Variants in FAM163A observed in about 807,000 individuals in gnomAD.
FAM163A encodes protein FAM163A.
In FAM163A, 7 loss-of-function variants were observed where a neutral mutation model predicts 12.0. That is an observed-to-expected ratio of 0.58 (90% CI 0.33 to 1.10). The LOEUF (loss-of-function observed/expected upper bound fraction) is 1.10, where lower values mean the gene tolerates loss of function less well. Among genes scored for constraint, FAM163A ranks in the 50% least tolerant of loss-of-function variants. The pLI, the probability that FAM163A is intolerant of heterozygous loss-of-function variation, is 0.03. For synonymous variants in FAM163A, 101 were observed against 91.0 expected (o/e 1.11, Z -0.62); for missense variants, 202 against 218.6 (o/e 0.92, Z 0.48).
At position 179,815,114 on chromosome 1, in the gene FAM163A, GAC is replaced by G. The variant is rs5779040; in HGVS notation, c.*961_*962del. The stretch of plus-strand genomic sequence containing the variant: ...GTACGCACGCGCGCGCGCGCGCACA[GAC>G]ACACACACACACACACACACACACA... On this transcript the variant is annotated 3_prime_UTR_variant, in exon 5 of 5. Coordinates refer to ENST00000341785, the MANE Select transcript of FAM163A (RefSeq NM_173509.3). 0.066 allele frequency: 8,510 copies of G among 129,812 alleles called. 318 individuals are homozygous for G. The highest frequency in any genetic ancestry group is 0.13 in the East Asian group (634 of 4,776). The allele number at this position is 129,812 out of a possible 1,614,324, so 8.0% of individuals were successfully genotyped here. A position where few individuals can be genotyped will look rare whatever the true frequency, so the allele number is the denominator to read the frequency against.
At chr1:179,789,074 A>G (rs930290726) in intron 1 of FAM163A, among the ~76,000 whole-genome samples, 1 of 152,254 alleles carries the variant, frequency 6.6e-6, no homozygotes, top group Non-Finnish European at 1.5e-5. Flanking sequence ...TATGAGCCCA[A>G]AGATCACTCT....
the FAM163A span, among the ~76,000 whole-genome samples, chr1:179,737,711 T>C: frequency 1.1e-4 from 17 of 151,978 alleles, no homozygotes; most frequent in African/African-American, 4.1e-4. Context: ...GGCAGGCGCC[T>C]GTAGTCCCAG....
chr1:179,812,408 T>G (rs146243730), intron 3 of FAM163A, among the ~76,000 whole-genome samples: 3 of 152,218 alleles, frequency 2.0e-5, no homozygotes, highest in Admixed American at 1.3e-4. Context: ...CTTGCCTTTG[T>G]TTTCCAGGAG....
At chr1:179,739,322 T>A (rs755104506), upstream of FAM163A, among the ~76,000 whole-genome samples, 6 of 152,238 alleles carry the variant, frequency 3.9e-5, 1 homozygote, top group Middle Eastern at 6.8e-3. Context: ...TTAGACCTTA[T>A]CAAAATTTAA....
intron 1 of FAM163A, among the ~76,000 whole-genome samples, chr1:179,805,239 C>T (rs916317256): frequency 7.9e-5 from 12 of 152,216 alleles, no homozygotes; most frequent in South Asian, 6.2e-4. Flanking sequence ...CATCATAGGC[C>T]GGGCATGCTG....
At chr1:179,799,524 C>A (rs1477219560) in intron 1 of FAM163A, among the ~76,000 whole-genome samples, 1 of 152,232 alleles carries the variant, frequency 6.6e-6, no homozygotes, top group Non-Finnish European at 1.5e-5. Context: ...CAGGCTGTCC[C>A]GGAAATAGTC....
chr1:179,783,747 TTA>T (rs200478493), intron 1 of FAM163A, among the ~76,000 whole-genome samples: 3 of 85,364 alleles, frequency 3.5e-5, no homozygotes, highest in South Asian at 6.9e-4. Context: ...AGCCCAAATA[TTA>T]TATATATATT....
intron 1 of FAM163A, among the ~76,000 whole-genome samples, chr1:179,746,848 C>T (rs944645603): frequency 5.3e-5 from 8 of 152,118 alleles, no homozygotes; most frequent in Admixed American, 5.2e-4. Context: ...AGTATCTGGG[C>T]CATCCAGTAT....
intron 1 of FAM163A, among the ~76,000 whole-genome samples, chr1:179,775,196 G>A (rs1688785174): frequency 7.9e-5 from 12 of 152,200 alleles, no homozygotes. Flanking sequence ...CAAACGGTCT[G>A]ATTGGTTGCC....
intron 1 of FAM163A, among the ~76,000 whole-genome samples, chr1:179,767,712 T>C (rs1193824516): frequency 6.6e-6 from 1 of 152,020 alleles, no homozygotes; most frequent in African/African-American, 2.4e-5. Context: ...CCCATCCCTC[T>C]CCCCACAGAA....
chr1:179,792,531 G>A (rs1329566957), intron 1 of FAM163A, among the ~76,000 whole-genome samples: 2 of 152,092 alleles, frequency 1.3e-5, no homozygotes, highest in Admixed American at 6.5e-5. Flanking sequence ...GATTATTAAT[G>A]TTACCTGTTT....
chr1:179,744,518 G>A (rs1472352081), intron 1 of FAM163A, among the ~76,000 whole-genome samples: 1 of 152,170 alleles, frequency 6.6e-6, no homozygotes, highest in Non-Finnish European at 1.5e-5. Flanking sequence ...GGGAAGTCAG[G>A]GGTGCAGATC....
intron 1 of FAM163A, among the ~76,000 whole-genome samples, chr1:179,805,407 A>G (rs1693792962): frequency 6.6e-6 from 1 of 152,100 alleles, no homozygotes; most frequent in Non-Finnish European, 1.5e-5. Context: ...AATCTGAGCT[A>G]CTTGAGAGGC....
At chr1:179,748,376 G>A (rs1684807139) in intron 1 of FAM163A, among the ~76,000 whole-genome samples, 2 of 152,136 alleles carry the variant, frequency 1.3e-5, no homozygotes, top group Admixed American at 1.3e-4. Context: ...AGCAAGGAGA[G>A]GTAAAGTCAG....
intron 1 of FAM163A, among the ~76,000 whole-genome samples, chr1:179,786,805 G>A (rs962874264): frequency 6.6e-5 from 10 of 152,268 alleles, no homozygotes; most frequent in African/African-American, 9.6e-5. Context: ...AGCCCCTGGC[G>A]TGTCTCAGCC....
intron 1 of FAM163A, among the ~76,000 whole-genome samples, chr1:179,798,038 T>C (rs1211637285): frequency 2.0e-5 from 3 of 152,134 alleles, no homozygotes; most frequent in African/African-American, 4.8e-5. Context: ...GAAACCAGCC[T>C]GGCTAACATG....
chr1:179,775,128 C>G (rs763656687), intron 1 of FAM163A, among the ~76,000 whole-genome samples: 5 of 152,170 alleles, frequency 3.3e-5, no homozygotes, highest in Admixed American at 3.3e-4. Context: ...CCAAATACCC[C>G]CAGAGGCTCC....
chr1:179,798,302 C>T (rs576677497), intron 1 of FAM163A, among the ~76,000 whole-genome samples: 77 of 152,312 alleles, frequency 5.1e-4, no homozygotes, highest in Non-Finnish European at 1.0e-3. Context: ...AGTTCCCATC[C>T]GTGTGGCTGA....
rs12118195 is a variant in FAM163A, at chr1:179,761,037, G to A, written c.-136+17614G>A. ...TAACATAATTCATATCAACTGAAAT[G>A]TTTCATAATAGGGGATTTGTTTAGC... On this transcript the variant is annotated intron_variant, in intron 1 of 4. Coordinates refer to ENST00000341785, the MANE Select transcript of FAM163A (RefSeq NM_173509.3). 2.0e-4 allele frequency among the ~76,000 whole-genome samples: 30 copies of A among 152,308 alleles called. No homozygotes were observed. In the South Asian group the frequency reaches 5.8e-3, roughly 29 times the overall value.
Sources: gnomAD v4.1 joint callset for allele counts (sites outside exome capture counted in the v4.1 genomes callset) on GRCh38, gnomAD v4.1.1 for gene constraint, MANE v1.5 for transcripts, NCBI Gene and HGNC (gene_info 2026-07-23, HGNC 2026-07-21) for gene names.